The following NRXN1 variants were observed in gnomAD, a reference collection of about 807,000 sequenced individuals.
NRXN1 encodes the protein neurexin 1.
In NRXN1, 39 loss-of-function variants were observed where a neutral mutation model predicts 150.9. The ratio of observed to expected loss-of-function variants is 0.26; its 90% confidence interval spans 0.20 to 0.34. NRXN1 has a LOEUF of 0.34. NRXN1 is among the 10% of genes least tolerant of loss of function. NRXN1 has a pLI of 1.00. For synonymous variants in NRXN1, 924 were observed against 757.0 expected (o/e 1.22, Z -3.62); for missense variants, 1,815 against 1,949.9 (o/e 0.93, Z 1.30).
chr2:50,703,284 G>A (rs1473728604), intron 5 of NRXN1, among the ~76,000 whole-genome samples: 1 of 152,018 alleles, frequency 6.6e-6, no homozygotes, highest in African/African-American at 2.4e-5. Flanking sequence ...AAATGTACCT[G>A]CCAAGAAAAT....
chr2:50,268,132 G>C (rs1470961932), intron 17 of NRXN1, among the ~76,000 whole-genome samples: 1 of 152,176 alleles, frequency 6.6e-6, no homozygotes, highest in African/African-American at 2.4e-5. Context: ...AGAGGTTGCA[G>C]TGAGCAGAGA....
chr2:50,474,682 GC>G (rs1393669151), intron 15 of NRXN1, among the ~76,000 whole-genome samples: 147 of 4,182 alleles, frequency 0.035, no homozygotes, highest in African/African-American at 0.068. Flanking sequence ...CACAGAAATA[GC>G]AAAAAAAAAA....
intron 5 of NRXN1, among the ~76,000 whole-genome samples, chr2:50,655,870 G>T (rs1213390742): frequency 2.0e-5 from 3 of 151,858 alleles, no homozygotes; most frequent in African/African-American, 7.2e-5. Context: ...AAATAAATAA[G>T]AAAAGAAATT....
intron 5 of NRXN1, among the ~76,000 whole-genome samples, chr2:50,863,189 T>C (rs775963647): frequency 1.4e-4 from 21 of 152,070 alleles, no homozygotes; most frequent in Admixed American, 2.6e-4. Flanking sequence ...ATTTTCCTTC[T>C]AAAGTATTCA....
chr2:50,646,707 T>A (rs973817570), intron 5 of NRXN1, among the ~76,000 whole-genome samples: 1 of 131,892 alleles, frequency 7.6e-6, no homozygotes, highest in Non-Finnish European at 1.6e-5. Context: ...TTTCATGTTG[T>A]CTTTTTTTTT....
rs1002676698 is a variant in NRXN1 at position 50,559,693 on chromosome 2, A to T, written c.1321-6668T>A. Among the ~76,000 whole-genome samples the T allele has an allele frequency of 3.3e-5, 5 of 152,336 alleles. No individual in the cohort carries two copies. In the East Asian group the frequency reaches 9.6e-4, roughly 29 times the overall value. On this transcript the variant is annotated intron_variant, in intron 8 of 22. Coordinates refer to ENST00000401669, the MANE Select transcript of NRXN1 (RefSeq NM_001330078.2). ...CAAATTTAATGTCATTGATATCCAT[A>T]TAAATATGCACTTATGTTAGAATAT... is the stretch of plus-strand genomic sequence containing the variant.
chr2:50,316,130 G>C (rs754366742), intron 17 of NRXN1, among the ~76,000 whole-genome samples: 1 of 152,066 alleles, frequency 6.6e-6, no homozygotes, highest in African/African-American at 2.4e-5. Context: ...ATCTTAGTTA[G>C]AAGCTTGGAG....
intron 2 of NRXN1, among the ~76,000 whole-genome samples, chr2:50,943,413 T>C (rs531867172): frequency 6.6e-6 from 1 of 152,336 alleles, no homozygotes; most frequent in East Asian, 1.9e-4. Flanking sequence ...AAAGCTATGG[T>C]CCAGAGTGGT....
intron 17 of NRXN1, among the ~76,000 whole-genome samples, chr2:50,413,555 A>G (rs1013057962): frequency 1.3e-5 from 2 of 152,188 alleles, no homozygotes; most frequent in East Asian, 3.9e-4. Flanking sequence ...GGATGTGGAG[A>G]AAAGGGAACC....
intron 17 of NRXN1, among the ~76,000 whole-genome samples, chr2:50,278,049 C>A (rs1444757746): frequency 2.3e-5 from 3 of 129,494 alleles, no homozygotes; most frequent in Non-Finnish European, 3.1e-5. Context: ...GCTTTCTTAT[C>A]TTTTCCTTTC....
chr2:50,205,868 A>C (rs904004105), intron 18 of NRXN1, among the ~76,000 whole-genome samples: 1 of 152,104 alleles, frequency 6.6e-6, no homozygotes, highest in Non-Finnish European at 1.5e-5. Flanking sequence ...ATCACGTATT[A>C]TATTATTCTA....
chr2:50,480,043 G>T (rs1038607267), intron 15 of NRXN1, among the ~76,000 whole-genome samples: 1 of 152,082 alleles, frequency 6.6e-6, no homozygotes, highest in African/African-American at 2.4e-5. Flanking sequence ...AAAGTGCTGG[G>T]ATTACAGGCG....
intron 21 of NRXN1, among the ~76,000 whole-genome samples, chr2:50,017,783 C>T (rs1253940015): frequency 6.6e-6 from 1 of 151,120 alleles, no homozygotes; most frequent in Non-Finnish European, 1.5e-5. Flanking sequence ...ATATAGTAGA[C>T]AGCAAGTAAC....
At chr2:50,325,460 A>G (rs955469481) in intron 17 of NRXN1, among the ~76,000 whole-genome samples, 5 of 152,218 alleles carry the variant, frequency 3.3e-5, no homozygotes, top group Admixed American at 2.6e-4. Flanking sequence ...CTGCTGCTCT[A>G]GTGACAAGCA....
In NRXN1 at chr2:50,551,054, GA is replaced by G. The variant is rs1667417757; in HGVS notation, c.1759+1532del. 1.4e-4 allele frequency among the ~76,000 whole-genome samples: 15 copies of G among 108,752 alleles called. 1 individual carries two copies. The South Asian group carries it at 1.5e-3, about 11-fold the overall frequency. The allele number at this position is 108,752 out of a possible 152,430, so 71.3% of individuals were successfully genotyped here. A position where few individuals can be genotyped will look rare whatever the true frequency, so the allele number is the denominator to read the frequency against. ...AGAGGAAGAGGAAGAGGAAGAGGAA[GA>G]AGAAGAAGAAGAAGAAGAAGAGGAG... is the stretch of plus-strand genomic sequence containing the variant. On this transcript the variant is annotated intron_variant, in intron 9 of 22. Transcript: ENST00000401669.
chr2:50,777,321 G>A (rs1409030734), intron 5 of NRXN1, among the ~76,000 whole-genome samples: 1 of 152,098 alleles, frequency 6.6e-6, no homozygotes. Flanking sequence ...AATATTTATG[G>A]TATACAATTT....
intron 3 of NRXN1, among the ~76,000 whole-genome samples, chr2:50,924,616 T>C (rs1254788972): frequency 2.0e-5 from 3 of 151,700 alleles, no homozygotes; most frequent in Admixed American, 6.6e-5. Context: ...TGCAGGGTAA[T>C]ATATCATTTT....
At chr2:50,805,501 C>T (rs983663388) in intron 5 of NRXN1, among the ~76,000 whole-genome samples, 7 of 151,984 alleles carry the variant, frequency 4.6e-5, no homozygotes, top group African/African-American at 1.7e-4. Flanking sequence ...TAAAAAAATA[C>T]AAAAATTAGC....
intron 18 of NRXN1, chr2:50,207,810 G>T: frequency 6.2e-6 from 1 of 162,032 alleles, no homozygotes. Context: ...TAATATCTTG[G>T]CCCAAAGTTT....
Sources: allele counts gnomAD v4.1 joint callset (sites outside exome capture counted in the v4.1 genomes callset), GRCh38; gene constraint gnomAD v4.1.1; transcripts MANE v1.5; gene names NCBI Gene and HGNC (gene_info 2026-07-23, HGNC 2026-07-21).